IMMP2L: variants seen among roughly 807,000 people sequenced by gnomAD.
IMMP2L encodes the protein mitochondrial inner membrane protease subunit 2.
Under a neutral mutation model 19.3 loss-of-function variants are expected in IMMP2L, and 18 were observed. That is an observed-to-expected ratio of 0.93 (90% CI 0.64 to 1.38). The LOEUF is 1.38. Ranked by LOEUF, IMMP2L falls within the 40% of genes most tolerant of loss-of-function variation. The pLI is 0.00. For synonymous variants in IMMP2L, 76 were observed against 73.0 expected (o/e 1.04, Z -0.21); for missense variants, 233 against 218.2 (o/e 1.07, Z -0.43).
chr7:111,451,004 C>T (rs567563751), intron 3 of IMMP2L, among the ~76,000 whole-genome samples: 1 of 150,978 alleles, frequency 6.6e-6, no homozygotes, highest in Non-Finnish European at 1.5e-5. Flanking sequence ...TCAAAACCAC[C>T]ATGAGATATC....
chr7:111,236,227 T>C (rs992459133), intron 3 of IMMP2L, among the ~76,000 whole-genome samples: 14 of 152,146 alleles, frequency 9.2e-5, no homozygotes, highest in Non-Finnish European at 1.5e-5. Flanking sequence ...ATATTTTTAC[T>C]AGCTTCCAAA....
At position 111,330,888 on chromosome 7, in the gene IMMP2L, C is replaced by T. The variant is rs960491704; in HGVS notation, c.239+156350G>A. 2.0e-5 allele frequency among the ~76,000 whole-genome samples: 3 copies of T among 151,932 alleles called. No homozygotes were observed. The South Asian group carries it at 6.2e-4, about 32-fold the overall frequency. On this transcript the variant is annotated intron_variant, in intron 3 of 5. Transcript: ENST00000405709. Reference sequence around the variant, plus strand: ...AAGACCACAATGAGATATCATCTTACACTTATCAGAATGGCTATTATCAAA... The same window carrying T: ...AAGACCACAATGAGATATCATCTTATACTTATCAGAATGGCTATTATCAAA...
At chr7:110,928,108 G>GA (rs537457460) in intron 4 of IMMP2L, among the ~76,000 whole-genome samples, 36 of 151,486 alleles carry the variant, frequency 2.4e-4, no homozygotes, top group Non-Finnish European at 3.7e-4. Flanking sequence ...TGAAGTAGAA[G>GA]AAAAAAAGAG....
At chr7:110,695,011 G>GA (rs1479195223) in intron 5 of IMMP2L, among the ~76,000 whole-genome samples, 1 of 152,112 alleles carries the variant, frequency 6.6e-6, no homozygotes, top group African/African-American at 2.4e-5. Flanking sequence ...CCATAATAGG[G>GA]AAATCCACAG....
intron 3 of IMMP2L, among the ~76,000 whole-genome samples, chr7:111,445,950 G>C (rs1371015391): frequency 6.6e-6 from 1 of 152,112 alleles, no homozygotes; most frequent in Non-Finnish European, 1.5e-5. Flanking sequence ...GGTGATGGAC[G>C]CACCTGGAAA....
intron 3 of IMMP2L, among the ~76,000 whole-genome samples, chr7:111,265,195 C>T (rs1471477410): frequency 1.3e-5 from 2 of 152,174 alleles, no homozygotes; most frequent in African/African-American, 4.8e-5. Flanking sequence ...CAGCTGCCCA[C>T]ATAAATTCAC....
intron 3 of IMMP2L, among the ~76,000 whole-genome samples, chr7:111,268,981 T>G (rs1195209199): frequency 2.0e-5 from 3 of 152,098 alleles, no homozygotes; most frequent in Non-Finnish European, 2.9e-5. Context: ...CCATTTTTTA[T>G]TACTTCTAAA....
intron 3 of IMMP2L, among the ~76,000 whole-genome samples, chr7:111,016,858 TATAATATATTAC>T (rs1178299505): frequency 1.1e-5 from 1 of 88,616 alleles, no homozygotes; most frequent in Admixed American, 1.9e-4. Context: ...ATATATATTA[TATAATATATTAC>T]ATATAATATA....
At chr7:110,818,693 A>C (rs1676909583) in intron 5 of IMMP2L, among the ~76,000 whole-genome samples, 1 of 152,080 alleles carries the variant, frequency 6.6e-6, no homozygotes, top group African/African-American at 2.4e-5. Flanking sequence ...CACAATAGCA[A>C]AGACTTGGAA....
chr7:110,712,548 C>A (rs1162841224), intron 5 of IMMP2L, among the ~76,000 whole-genome samples: 20 of 26,716 alleles, frequency 7.5e-4, no homozygotes, highest in Admixed American at 1.6e-3. Context: ...CCAGTTCGAG[C>A]TTCCCGGCTG....
intron 3 of IMMP2L, among the ~76,000 whole-genome samples, chr7:111,353,834 T>C (rs1276445607): frequency 6.6e-6 from 1 of 152,192 alleles, no homozygotes. Flanking sequence ...CATAGTCAGC[T>C]ATATATGTTA....
rs554736112 is a variant in IMMP2L at position 111,162,992 on chromosome 7, C to A, written c.240-199427G>T. Reference sequence around the variant, plus strand: ...GAGAACTTGCTGTTTGTTTCAGCCCCAAACCAGATAGGCCCCTGAACCCTG... The same window carrying A: ...GAGAACTTGCTGTTTGTTTCAGCCCAAAACCAGATAGGCCCCTGAACCCTG... On this transcript the variant is annotated intron_variant, in intron 3 of 5. Coordinates refer to ENST00000405709, the MANE Select transcript of IMMP2L (RefSeq NM_032549.4). Among the ~76,000 whole-genome samples the A allele has an allele frequency of 1.9e-3, 286 of 152,172 alleles. 2 individuals carry two copies. The highest frequency in any genetic ancestry group is 6.6e-3 in the African/African-American group (276 of 41,530).
At chr7:111,506,800 T>C (rs1483710929) in intron 2 of IMMP2L, among the ~76,000 whole-genome samples, 1 of 152,306 alleles carries the variant, frequency 6.6e-6, no homozygotes, top group South Asian at 2.1e-4. Context: ...TAAAAAGATA[T>C]ACTAAGTACC....
chr7:110,897,012 A>G (rs1811394316), intron 4 of IMMP2L, among the ~76,000 whole-genome samples: 2 of 152,012 alleles, frequency 1.3e-5, no homozygotes, highest in African/African-American at 4.8e-5. Context: ...ACAGGGTCTT[A>G]CTATGTTACC....
intron 3 of IMMP2L, among the ~76,000 whole-genome samples, chr7:111,429,224 T>C (rs192831493): frequency 1.6e-4 from 25 of 152,000 alleles, no homozygotes; most frequent in Non-Finnish European, 2.4e-4. Flanking sequence ...CATGTTGATA[T>C]AGGTACACAC....
intron 5 of IMMP2L, among the ~76,000 whole-genome samples, chr7:110,843,905 G>A (rs1015613163): frequency 2.0e-5 from 3 of 152,108 alleles, no homozygotes; most frequent in Non-Finnish European, 2.9e-5. Context: ...GCTAAGGCAG[G>A]GCACATGAGT....
chr7:111,432,300 A>G (rs541819168), intron 3 of IMMP2L, among the ~76,000 whole-genome samples: 3 of 151,752 alleles, frequency 2.0e-5, no homozygotes, highest in Non-Finnish European at 4.4e-5. Flanking sequence ...GAGTAGAGGA[A>G]AAACACAGTT....
chr7:111,046,296 T>C (rs1039989034), intron 3 of IMMP2L, among the ~76,000 whole-genome samples: 12 of 151,718 alleles, frequency 7.9e-5, no homozygotes, highest in African/African-American at 2.9e-4. Flanking sequence ...AGGCACACAA[T>C]GCATCCCAGA....
intron 1 of IMMP2L, among the ~76,000 whole-genome samples, chr7:111,542,220 T>C (rs997725261): frequency 6.6e-6 from 1 of 151,970 alleles, no homozygotes; most frequent in African/African-American, 2.4e-5. Flanking sequence ...TGACAAAAAA[T>C]ATACAAACTC....
Sources: gnomAD v4.1 joint callset for allele counts (sites outside exome capture counted in the v4.1 genomes callset) on GRCh38, gnomAD v4.1.1 for gene constraint, MANE v1.5 for transcripts, NCBI Gene and HGNC (gene_info 2026-07-23, HGNC 2026-07-21) for gene names.